TNRC18: variants seen among roughly 807,000 people sequenced by gnomAD.
TNRC18 encodes the protein trinucleotide repeat containing 18, also known as trinucleotide repeat-containing gene 18 protein.
Under a neutral mutation model 226.7 loss-of-function variants are expected in TNRC18, and 69 were observed. The observed-to-expected ratio is 0.30, with a 90% CI of 0.25 to 0.37. The LOEUF is 0.37. Among genes scored for constraint, TNRC18 ranks in the 10% least tolerant of loss-of-function variants. TNRC18 has a pLI of 1.00. For synonymous variants in TNRC18, 2,449 were observed against 1,927.6 expected (o/e 1.27, Z -7.09); for missense variants, 4,754 against 4,256.6 (o/e 1.12, Z -3.25).
rs573079573 is a variant in TNRC18 at position 5,309,781 on chromosome 7, T to A, written c.8389-413A>T. 2.6e-5 allele frequency among the ~76,000 whole-genome samples: 4 copies of A among 152,332 alleles called. 1 individual carries two copies. Among genetic ancestry groups the A allele is most frequent in the African/African-American group, 9.6e-5 (4 of 41,578 alleles). On this transcript the variant is annotated intron_variant, in intron 27 of 29. Transcript: ENST00000430969. The surrounding 1 kb of genome is among the most constrained non-coding windows in gnomAD (Gnocchi z 5.7). ...ACGCCCGGCTAATTTTGATTATTTT[T>A]GTAGAGAACAAGGTCTCACTATGTT... is the stretch of plus-strand genomic sequence containing the variant.
At position 5,351,940 on chromosome 7, in the gene TNRC18, C is replaced by T. The variant is rs186010377; in HGVS notation, c.5349G>A (p.Ala1783=). 1.1e-4 allele frequency: 180 copies of T among 1,613,792 alleles called. 1 individual carries two copies. The East Asian group carries it at 1.6e-3, about 15-fold the overall frequency. ...GCTTGGGTTTCAGAGTCCGGGGGGC[C>T]GCCAGGCCCCTCTTGGTCAGCTTGG... ...GGPKLTKRGL[A]APRTLKPKPA... is the part of the protein sequence containing the mutation. Residue 1783 remains alanine, a synonymous_variant, in exon 17 of 30, where the codon GCG becomes GCA. Coordinates refer to ENST00000430969, the MANE Select transcript of TNRC18 (RefSeq NM_001080495.3).
Position 5,374,478 on chromosome 7 carries a change from G to A in TNRC18, c.2806C>T (p.Arg936Trp), listed in dbSNP as rs1490186933. The A allele has an allele frequency of 2.6e-6, 4 of 1,545,572 alleles. No homozygotes were observed. Among genetic ancestry groups the A allele is most frequent in the East Asian group, 2.5e-5 (1 of 40,266 alleles). Reference protein sequence around the residue: ...LQRSAQLVQERLKAQEHRAEM... With the variant: ...LQRSAQLVQEWLKAQEHRAEM... ...GCCCGGTGCTCCTGCGCCTTCAACC[G>A]CTCCTGCTGGGAAGGGGCCGGCAGG... Residue 936 changes from arginine (R) to tryptophan (W), a missense_variant, in exon 10 of 30, where the codon CGG becomes TGG. Coordinates refer to ENST00000430969, the MANE Select transcript of TNRC18 (RefSeq NM_001080495.3).
intron 5 of TNRC18, among the ~76,000 whole-genome samples, chr7:5,385,289 C>T (rs1255208558): frequency 1.3e-5 from 2 of 152,098 alleles, no homozygotes; most frequent in South Asian, 4.1e-4. Context: ...GAGATCGAGA[C>T]CATCCTGGCT....
Position 5,374,397 on chromosome 7 carries a change from G to A in TNRC18, c.2887C>T (p.Leu963=), listed in dbSNP as rs1408736508. Residue 963 remains leucine, a synonymous_variant, in exon 10 of 30, where the codon CTG becomes TTG. Transcript: ENST00000430969. ...AGCAGCCCGGGGCCGGCGGTGGCCA[G>A]GCCAGCCTTGCCCGCAGCCTCCAGG... ...RGLEAAGKAG[L]ATAGPGLLPR... 2.0e-6 allele frequency: 3 copies of A among 1,529,408 alleles called. No homozygotes were observed. The highest frequency in any genetic ancestry group is 2.0e-5 in the Admixed American group (1 of 49,532). 94.7% of individuals were successfully genotyped at this position (1,529,408 alleles called of 1,614,324 possible).
rs1178814165 is a variant in TNRC18 at position 5,374,346 on chromosome 7, C to CGGT, written c.2937_2938insACC (p.Ala979_Ala980insThr). ...TTGCCGTAGGTGCCCGCGGGGCCGGCGGCCAGGCCAGGGGGCTTCCGCGGC... is the reference window on the plus strand; with the variant it reads ...TTGCCGTAGGTGCCCGCGGGGCCGGCGGTGGCCAGGCCAGGGGGCTTCCGCGGC... On this transcript the variant is annotated inframe_insertion, in exon 10 of 30. Transcript: ENST00000430969. 7.0e-7 allele frequency: 1 copy of CGGT among 1,420,748 alleles called. No homozygotes were observed. The highest frequency in any genetic ancestry group is 3.6e-5 in the Admixed American group (1 of 27,926). 88.0% of individuals were successfully genotyped at this position (1,420,748 alleles called of 1,614,324 possible).
Position 5,307,929 on chromosome 7 carries a change from C to G in TNRC18, c.*177G>C. 2 of 624,376 alleles carry G rather than the reference C, an allele frequency of 3.2e-6. No individual in the cohort carries two copies. The highest frequency in any genetic ancestry group is 5.6e-6 in the Non-Finnish European group (2 of 357,294). 38.7% of individuals were successfully genotyped at this position (624,376 alleles called of 1,614,324 possible). A position where few individuals can be genotyped will look rare whatever the true frequency, so the allele number is the denominator to read the frequency against. On this transcript the variant is annotated 3_prime_UTR_variant, in exon 30 of 30. Transcript: ENST00000430969. ...GGCTGGAGGCATGTGCACATGCGTG[C>G]ACACACGTGCATGCACACACACTCA...
At chr7:5,342,343 C>G (rs773809244) in intron 18 of TNRC18, among the ~76,000 whole-genome samples, 1 of 151,772 alleles carries the variant, frequency 6.6e-6, no homozygotes, top group African/African-American at 2.4e-5. Flanking sequence ...GCACAAGAAC[C>G]GCTTGAACTG....
chr7:5,422,525 C>G (rs1257667658), intron 1 of TNRC18, among the ~76,000 whole-genome samples: 1 of 152,194 alleles, frequency 6.6e-6, no homozygotes. Context: ...CCCTCGATCT[C>G]TGTCTGCAGC....
chr7:5,377,683 G>T lies in TNRC18; in HGVS notation c.2256-107C>A. The stretch of plus-strand genomic sequence containing the variant: ...TGTTTGCCACCAGGCCATGAGTCAG[G>T]ACAACCACTGCTCGGAACTGAAGGG... On this transcript the variant is annotated intron_variant, in intron 6 of 29. Coordinates refer to ENST00000430969, the MANE Select transcript of TNRC18 (RefSeq NM_001080495.3). The surrounding 1 kb of genome is among the most constrained non-coding windows in gnomAD (Gnocchi z 5.8). The T allele has an allele frequency of 4.8e-6, 6 of 1,261,114 alleles. No homozygotes were observed. In the South Asian group the frequency reaches 7.2e-5, roughly 15 times the overall value. 78.1% of individuals were successfully genotyped at this position (1,261,114 alleles called of 1,614,324 possible).
At chr7:5,385,427 G>A (rs971985979) in intron 5 of TNRC18, among the ~76,000 whole-genome samples, 1 of 145,596 alleles carries the variant, frequency 6.9e-6, no homozygotes, top group African/African-American at 2.5e-5. Flanking sequence ...AGCGGAGCTT[G>A]CAGTGAGCCG....
intron 18 of TNRC18, among the ~76,000 whole-genome samples, chr7:5,335,314 A>AAAAAAC: frequency 7.0e-6 from 1 of 143,806 alleles, no homozygotes. Context: ...AAAAAAAAAA[A>AAAAAAC]AAAAAAAAAA....
rs186905858 is a variant in TNRC18 at position 5,355,225 on chromosome 7, G to A, written c.5194+1691C>T. ...GCACCCACTACCTGCCAGGCAGCAG[G>A]TTCTGGGCCACAAGAGGCCATAACC... is the stretch of plus-strand genomic sequence containing the variant. On this transcript the variant is annotated intron_variant, in intron 16 of 29. Coordinates refer to ENST00000430969, the MANE Select transcript of TNRC18 (RefSeq NM_001080495.3). Among the ~76,000 whole-genome samples, 14 of 152,340 alleles carry A rather than the reference G, an allele frequency of 9.2e-5. No individual in the cohort carries two copies. In the East Asian group the frequency reaches 2.3e-3, roughly 25 times the overall value.
At chr7:5,348,070 T>C (rs1291032280) in intron 17 of TNRC18, among the ~76,000 whole-genome samples, 2 of 152,220 alleles carry the variant, frequency 1.3e-5, no homozygotes, top group African/African-American at 4.8e-5. Flanking sequence ...CCTGAGAGTC[T>C]GCAGTCCCCG....
intron 17 of TNRC18, among the ~76,000 whole-genome samples, chr7:5,348,545 G>C (rs746563609): frequency 1.8e-4 from 27 of 152,058 alleles, no homozygotes; most frequent in Non-Finnish European, 3.4e-4. Context: ...TGAGGGCAGA[G>C]GTTCTGTCTA....
At position 5,388,860 on chromosome 7, in the gene TNRC18, C is replaced by T; in HGVS notation, c.964G>A (p.Glu322Lys). 7.8e-7 allele frequency: 1 copy of T among 1,276,542 alleles called. No homozygotes were observed. 79.1% of individuals were successfully genotyped at this position (1,276,542 alleles called of 1,614,324 possible). A position where few individuals can be genotyped will look rare whatever the true frequency, so the allele number is the denominator to read the frequency against. ...GGGCGCGGCCCAGGGAGCAGGGTCT[C>T]CGTGCGCCGCAGCAGCCGCGCGCCC... ...DEGARLLRRT[E>K]TLLPGPRPCP... is the part of the protein sequence containing the mutation. Residue 322 changes from glutamate to lysine, a missense_variant, in exon 5 of 30, where the codon GAG becomes AAG. Physicochemically the swap from Glu to Lys is moderately conservative, Grantham distance 56. Transcript: ENST00000430969.
intron 17 of TNRC18, among the ~76,000 whole-genome samples, chr7:5,350,802 C>T (rs1791717297): frequency 1.3e-5 from 2 of 152,132 alleles, no homozygotes; most frequent in South Asian, 4.1e-4. Context: ...CTGAGGACCC[C>T]GGGCTGGGAC....
At chr7:5,375,897 A>T in intron 9 of TNRC18, 137 bp downstream of exon 9, 2 of 845,406 alleles carry the variant, frequency 2.4e-6, no homozygotes, top group Non-Finnish European at 3.6e-6. Context: ...CCTCCTCCAG[A>T]AGCCCTCCCT....
intron 5 of TNRC18, among the ~76,000 whole-genome samples, chr7:5,384,822 C>T (rs1355331549): frequency 6.6e-6 from 1 of 152,230 alleles, no homozygotes; most frequent in East Asian, 1.9e-4. Flanking sequence ...GCCCCAGGGT[C>T]AGAGTGTAGC....
intron 14 of TNRC18, among the ~76,000 whole-genome samples, chr7:5,361,220 G>T (rs964310878): frequency 2.0e-5 from 3 of 152,212 alleles, no homozygotes; most frequent in African/African-American, 7.2e-5. Context: ...CCGAGCGACA[G>T]CCGGGTCATA....
Sources: gnomAD v4.1 joint callset for allele counts (sites outside exome capture counted in the v4.1 genomes callset) on GRCh38, gnomAD v4.1.1 for gene constraint, Gnocchi (gnomAD v3.1) non-coding constraint, MANE v1.5 for transcripts, NCBI Gene and HGNC (gene_info 2026-07-23, HGNC 2026-07-21) for gene names.